The following ROR1 variants were observed in gnomAD, a reference collection of about 807,000 sequenced individuals.
ROR1 encodes the protein ROR family WNT receptor 1, also known as inactive tyrosine-protein kinase transmembrane receptor ROR1.
ROR1 carries 19 observed loss-of-function variants against 78.8 expected under a neutral mutation model. That is an observed-to-expected ratio of 0.24 (90% CI 0.17 to 0.35). The LOEUF is 0.35. ROR1 is among the 10% of genes least tolerant of loss of function. The pLI is 1.00. For synonymous variants in ROR1, 386 were observed against 433.6 expected (o/e 0.89, Z 1.36); for missense variants, 917 against 1,177.8 (o/e 0.78, Z 3.24).
chr1:64,148,016 G>A (rs568892683), intron 7 of ROR1, among the ~76,000 whole-genome samples: 1 of 152,242 alleles, frequency 6.6e-6, no homozygotes, highest in Non-Finnish European at 1.5e-5. Context: ...CCAAAATGTC[G>A]AATGTTGGGG....
chr1:64,135,064 G>T (rs1213009707), intron 4 of ROR1, among the ~76,000 whole-genome samples: 1 of 152,054 alleles, frequency 6.6e-6, no homozygotes, highest in Non-Finnish European at 1.5e-5. Flanking sequence ...CTCCCCAGCA[G>T]ATAACAGTAC....
At chr1:64,120,682 CA>C (rs964752740) in intron 4 of ROR1, among the ~76,000 whole-genome samples, 30 of 152,122 alleles carry the variant, frequency 2.0e-4, no homozygotes, top group African/African-American at 6.3e-4. Context: ...CTCCTTGACC[CA>C]GCAACACTCA....
At chr1:64,044,822 A>G (rs1362666394) in intron 2 of ROR1, among the ~76,000 whole-genome samples, 1 of 152,346 alleles carries the variant, frequency 6.6e-6, no homozygotes, top group East Asian at 1.9e-4. Context: ...AGAAAAAGTT[A>G]GAATTTTGCG....
intron 1 of ROR1, among the ~76,000 whole-genome samples, chr1:63,780,674 A>G (rs773226431): frequency 3.3e-5 from 5 of 152,216 alleles, no homozygotes; most frequent in Non-Finnish European, 5.9e-5. Context: ...TATAGGGAGC[A>G]TGCAGATGCT....
chr1:64,079,638 C>T lies in ROR1; in HGVS notation c.482+28922C>T, dbSNP rs527958420. 2.8e-3 allele frequency among the ~76,000 whole-genome samples: 432 copies of T among 152,082 alleles called. 4 individuals carry two copies. The highest frequency in any genetic ancestry group is 2.4e-3 in the Non-Finnish European group (164 of 67,982). ...CTGGGATTACAGGCACCTGCAACCA[C>T]GCCCAGCTAGTTTTTATATTTTTAG... is the stretch of plus-strand genomic sequence containing the variant. On this transcript the variant is annotated intron_variant, in intron 4 of 8. Transcript: ENST00000371079.
At chr1:63,932,703 C>T (rs1343075159) in intron 1 of ROR1, among the ~76,000 whole-genome samples, 1 of 152,046 alleles carries the variant, frequency 6.6e-6, no homozygotes, top group Admixed American at 6.5e-5. Context: ...GAAAACAGTC[C>T]CAGAGGAGGT....
intron 7 of ROR1, among the ~76,000 whole-genome samples, chr1:64,149,653 C>T (rs972189283): frequency 1.3e-5 from 2 of 152,210 alleles, no homozygotes; most frequent in Non-Finnish European, 2.9e-5. Flanking sequence ...CTCCTCCAGT[C>T]CTCAAAGTTG....
chr1:64,012,080 A>C (rs918993300), intron 2 of ROR1, among the ~76,000 whole-genome samples: 1 of 152,222 alleles, frequency 6.6e-6, no homozygotes, highest in African/African-American at 2.4e-5. Flanking sequence ...CCTAGGTTCC[A>C]GAAATGAAGA....
Position 63,881,657 on chromosome 1 carries a change from G to A in ROR1, c.91+107149G>A, listed in dbSNP as rs754324863. Among the ~76,000 whole-genome samples, 33 of 152,268 alleles carry A rather than the reference G, an allele frequency of 2.2e-4. 1 individual carries two copies. Among genetic ancestry groups the A allele is most frequent in the Admixed American group, 1.6e-3 (24 of 15,280 alleles). On this transcript the variant is annotated intron_variant, in intron 1 of 8. Transcript: ENST00000371079. The stretch of plus-strand genomic sequence containing the variant: ...GCATGGGAAAATTTATTTTTTAAAT[G>A]CTACTCTCTGGGAAACAAAGTCATT...
chr1:64,094,643 A>G (rs1176414477), intron 4 of ROR1: 4 of 153,080 alleles, frequency 2.6e-5, no homozygotes, highest in Non-Finnish European at 5.8e-5. Context: ...AGGCTGGAGT[A>G]TAGTGGCACA....
At chr1:64,136,119 A>G (rs907371234) in intron 4 of ROR1, among the ~76,000 whole-genome samples, 1 of 152,210 alleles carries the variant, frequency 6.6e-6, no homozygotes, top group African/African-American at 2.4e-5. Flanking sequence ...GCCATATATT[A>G]TCTCTACAAT....
intron 1 of ROR1, among the ~76,000 whole-genome samples, chr1:63,978,933 T>C (rs1646185604): frequency 6.6e-6 from 1 of 152,220 alleles, no homozygotes; most frequent in South Asian, 2.1e-4. Context: ...CCAAAGGCTG[T>C]CAGGCCGAAG....
intron 7 of ROR1, among the ~76,000 whole-genome samples, chr1:64,146,009 G>A (rs542102458): frequency 4.3e-4 from 65 of 152,312 alleles, no homozygotes; most frequent in African/African-American, 1.5e-3. Context: ...GATGTACAGA[G>A]GAAACCAAAT....
intron 8 of ROR1, among the ~76,000 whole-genome samples, chr1:64,173,247 C>A (rs1389914001): frequency 6.6e-6 from 1 of 152,126 alleles, no homozygotes; most frequent in African/African-American, 2.4e-5. Flanking sequence ...CAAAGCAAAC[C>A]CCCCAAATTT....
chr1:63,881,362 A>G (rs926857528), intron 1 of ROR1, among the ~76,000 whole-genome samples: 2 of 152,142 alleles, frequency 1.3e-5, no homozygotes, highest in African/African-American at 4.8e-5. Flanking sequence ...TAAAATTGCT[A>G]TCAGCTAATA....
chr1:63,911,062 TG>T (rs1473877237), intron 1 of ROR1, among the ~76,000 whole-genome samples: 2 of 152,222 alleles, frequency 1.3e-5, no homozygotes, highest in East Asian at 1.9e-4. Context: ...AGGTGTCTGA[TG>T]GAACAGGAAT....
intron 1 of ROR1, among the ~76,000 whole-genome samples, chr1:63,829,382 G>T (rs1029498627): frequency 6.6e-6 from 1 of 152,240 alleles, no homozygotes; most frequent in African/African-American, 2.4e-5. Context: ...GGGAATGCGG[G>T]TGATAGGGAT....
intron 1 of ROR1, among the ~76,000 whole-genome samples, chr1:63,948,607 T>G (rs1444016758): frequency 6.6e-6 from 1 of 152,174 alleles, no homozygotes; most frequent in African/African-American, 2.4e-5. Context: ...GCTGACTGAA[T>G]GTTTGTGTCC....
chr1:63,911,580 C>G (rs1173470027), intron 1 of ROR1, among the ~76,000 whole-genome samples: 6 of 151,946 alleles, frequency 3.9e-5, no homozygotes, highest in Non-Finnish European at 8.8e-5. Context: ...GAAACCATCC[C>G]CCCCACCCCC....
Sources: gnomAD v4.1 joint callset for allele counts (sites outside exome capture counted in the v4.1 genomes callset) on GRCh38, gnomAD v4.1.1 for gene constraint, MANE v1.5 for transcripts, NCBI Gene and HGNC (gene_info 2026-07-23, HGNC 2026-07-21) for gene names.